COG5: variants seen among roughly 807,000 people sequenced by gnomAD.
COG5 encodes conserved oligomeric Golgi complex subunit 5.
In COG5, 86 loss-of-function variants were observed where a neutral mutation model predicts 110.4. The ratio of observed to expected loss-of-function variants is 0.78; its 90% CI spans 0.65 to 0.93. The LOEUF (loss-of-function observed/expected upper bound fraction) is 0.93, where lower values mean the gene tolerates loss of function less well. Ranked by LOEUF, COG5 falls within the 40% of genes least tolerant of loss-of-function variation. COG5 has a pLI of 0.00. For missense variants in COG5, 1,077 were observed against 987.0 expected, an observed-to-expected ratio of 1.09 and a Z score of -1.22; for synonymous variants, 360 against 334.6, an observed-to-expected ratio of 1.08 and a Z score of -0.83.
chr7:107,497,900 C>T (rs996223002), intron 6 of COG5, among the ~76,000 whole-genome samples: 1 of 151,870 alleles, frequency 6.6e-6, no homozygotes, highest in Non-Finnish European at 1.5e-5. Context: ...ATACACAAAG[C>T]TATAATAATT....
intron 11 of COG5, among the ~76,000 whole-genome samples, chr7:107,299,202 C>A (rs964338701): frequency 5.3e-5 from 8 of 151,718 alleles, no homozygotes; most frequent in Non-Finnish European, 1.2e-4. Context: ...TATCAATGAA[C>A]CAGAAAATGA....
chr7:107,511,466 A>G (rs1269418254), intron 6 of COG5, among the ~76,000 whole-genome samples: 1 of 152,230 alleles, frequency 6.6e-6, no homozygotes, highest in Non-Finnish European at 1.5e-5. Context: ...TACCAGACGT[A>G]CAAGGAGGAG....
chr7:107,417,599 T>A (rs1792958907), intron 6 of COG5, among the ~76,000 whole-genome samples: 1 of 152,176 alleles, frequency 6.6e-6, no homozygotes, highest in African/African-American at 2.4e-5. Context: ...AGTAACACGT[T>A]AGCTTCTTGA....
rs186124849 is a variant in COG5 at position 107,465,175 on chromosome 7, A to G, written c.539-52543T>C. ...GTAAGTCTCACATGTTTCAGGAAAAAGTAAACTATCTCTATTTGCAGACAA... is the reference window on the plus strand; with the variant it reads ...GTAAGTCTCACATGTTTCAGGAAAAGGTAAACTATCTCTATTTGCAGACAA... On this transcript the variant is annotated intron_variant, in intron 6 of 21. Coordinates refer to ENST00000297135, the MANE Select transcript of COG5 (RefSeq NM_006348.5). Among the ~76,000 whole-genome samples the G allele has an allele frequency of 4.0e-4, 61 of 152,328 alleles. No homozygotes were observed. The East Asian group carries it at 0.01, about 25-fold the overall frequency.
At chr7:107,479,626 A>G (rs1484022820) in intron 6 of COG5, among the ~76,000 whole-genome samples, 1 of 152,092 alleles carries the variant, frequency 6.6e-6, no homozygotes, top group Non-Finnish European at 1.5e-5. Context: ...ACCATAAGAA[A>G]CAGATTACCC....
At chr7:107,265,059 G>A (rs760471376) in intron 14 of COG5, among the ~76,000 whole-genome samples, 1 of 151,930 alleles carries the variant, frequency 6.6e-6, no homozygotes, top group South Asian at 2.1e-4. Flanking sequence ...GTATCTAAAA[G>A]GTTTACTTGT....
intron 6 of COG5, among the ~76,000 whole-genome samples, chr7:107,442,496 T>G (rs1378916442): frequency 1.3e-5 from 2 of 151,814 alleles, no homozygotes; most frequent in Admixed American, 6.6e-5. Context: ...TTTGTTGTTT[T>G]TTTTTTTTAA....
intron 6 of COG5, among the ~76,000 whole-genome samples, chr7:107,445,691 A>T (rs955639541): frequency 1.3e-5 from 2 of 152,200 alleles, no homozygotes; most frequent in African/African-American, 2.4e-5. Context: ...AAAATTAAAT[A>T]AAAAATATTG....
intron 19 of COG5, among the ~76,000 whole-genome samples, chr7:107,221,331 C>T (rs899434582): frequency 2.6e-5 from 4 of 152,122 alleles, no homozygotes; most frequent in Non-Finnish European, 5.9e-5. Context: ...TAACGAACAG[C>T]AGCCATATGG....
intron 6 of COG5, among the ~76,000 whole-genome samples, chr7:107,501,699 C>T (rs951419766): frequency 6.6e-6 from 1 of 152,096 alleles, no homozygotes; most frequent in African/African-American, 2.4e-5. Context: ...TGTATAATTT[C>T]TATATGCTTA....
chr7:107,503,071 T>C (rs1002950981), intron 6 of COG5, among the ~76,000 whole-genome samples: 3 of 152,198 alleles, frequency 2.0e-5, no homozygotes, highest in Admixed American at 2.0e-4. Context: ...CATGAATACT[T>C]TGTCTAGGCC....
chr7:107,425,496 G>C (rs1332976863), intron 6 of COG5, among the ~76,000 whole-genome samples: 1 of 148,692 alleles, frequency 6.7e-6, no homozygotes, highest in South Asian at 2.1e-4. Context: ...TTCTATTTCT[G>C]AATTTTACTA....
chr7:107,517,829 C>T (rs1429423066), intron 6 of COG5, among the ~76,000 whole-genome samples: 3 of 151,996 alleles, frequency 2.0e-5, no homozygotes, highest in African/African-American at 7.3e-5. Context: ...TCCTGAGTAG[C>T]TGGGATTACA....
At chr7:107,220,679 G>C (rs961880241) in intron 19 of COG5, among the ~76,000 whole-genome samples, 7 of 152,196 alleles carry the variant, frequency 4.6e-5, no homozygotes. Flanking sequence ...GGCTGCTCTC[G>C]TGTTTGAGCT....
At chr7:107,277,712 A>C (rs922046135) in intron 14 of COG5, among the ~76,000 whole-genome samples, 3 of 152,324 alleles carry the variant, frequency 2.0e-5, no homozygotes, top group Non-Finnish European at 2.9e-5. Flanking sequence ...ATAAAGGTTA[A>C]TGATGGTAGT....
chr7:107,489,096 T>C lies in COG5; in HGVS notation c.538+38141A>G, dbSNP rs1040625654. Among the ~76,000 whole-genome samples the C allele has an allele frequency of 6.6e-5, 10 of 152,146 alleles. No homozygotes were observed. The East Asian group carries it at 1.3e-3, about 20-fold the overall frequency. On this transcript the variant is annotated intron_variant, in intron 6 of 21. Coordinates refer to ENST00000297135, the MANE Select transcript of COG5 (RefSeq NM_006348.5). ...CTATGAAAACTATAGAGGTGATAAT[T>C]CATTAAGTTGTACATTTACAGTGTA...
At chr7:107,415,870 A>ATG (rs1219659562) in intron 6 of COG5, among the ~76,000 whole-genome samples, 1 of 106,298 alleles carries the variant, frequency 9.4e-6, no homozygotes. Flanking sequence ...ACACGTATGT[A>ATG]TGTATGTGTG....
At chr7:107,255,371 G>C (rs2116604533) in intron 16 of COG5, among the ~76,000 whole-genome samples, 1 of 152,152 alleles carries the variant, frequency 6.6e-6, no homozygotes, top group Admixed American at 6.6e-5. Context: ...AAAATAGACT[G>C]TCTCCTTCTC....
chr7:107,282,007 C>CAA (rs10706210), intron 13 of COG5, among the ~76,000 whole-genome samples: 9 of 113,354 alleles, frequency 7.9e-5, no homozygotes, highest in African/African-American at 1.2e-4. Context: ...ATCTGACTGC[C>CAA]AAAAAAAAAA....
Sources: allele counts gnomAD v4.1 joint callset (sites outside exome capture counted in the v4.1 genomes callset), GRCh38; gene constraint gnomAD v4.1.1; transcripts MANE v1.5; gene names NCBI Gene and HGNC (gene_info 2026-07-23, HGNC 2026-07-21).